Variants in CHD9 observed in about 807,000 individuals in gnomAD.
CHD9 encodes ATP-dependent chromatin remodeler CHD9.
In CHD9, 77 loss-of-function variants were observed where a neutral mutation model predicts 316.1. The observed-to-expected ratio is 0.24, with a 90% CI of 0.20 to 0.29. The LOEUF (loss-of-function observed/expected upper bound fraction) is 0.29, where lower values mean the gene tolerates loss of function less well. CHD9 is among the 10% of genes least tolerant of loss of function. The pLI is 1.00. For missense variants in CHD9, 2,763 were observed against 3,438.1 expected (o/e 0.80, Z 4.91); for synonymous variants, 1,129 against 1,158.3 (o/e 0.97, Z 0.51).
At chr16:53,314,304 T>C in intron 34 of CHD9, 73 bp from the exon 35 acceptor site, 1 of 1,089,604 alleles carries the variant, frequency 9.2e-7, no homozygotes, top group Non-Finnish European at 1.3e-6. Flanking sequence ...TTCATATATT[T>C]AGGAAAGGGA....
chr16:53,277,744 C>T (rs926252197), intron 24 of CHD9, among the ~76,000 whole-genome samples: 1 of 152,134 alleles, frequency 6.6e-6, no homozygotes, highest in East Asian at 1.9e-4. Context: ...CAACATAGTA[C>T]TGGAAGTCCT....
At position 53,233,211 on chromosome 16, in the gene CHD9, G is replaced by A. The variant is rs1480969961; in HGVS notation, c.2511+1427G>A. ...AGAACTTCTGACTGACTGGCTTCAAGTTAGGGTTCCCATTACCCACCACTT... is the reference window on the plus strand; with the variant it reads ...AGAACTTCTGACTGACTGGCTTCAAATTAGGGTTCCCATTACCCACCACTT... On this transcript the variant is annotated intron_variant, in intron 10 of 38. Transcript: ENST00000447540. Among the ~76,000 whole-genome samples, 6 of 152,292 alleles carry A rather than the reference G, an allele frequency of 3.9e-5. No homozygotes were observed. The East Asian group carries it at 9.7e-4, about 25-fold the overall frequency.
chr16:53,124,725 C>T (rs911859322), intron 1 of CHD9, among the ~76,000 whole-genome samples: 3 of 151,826 alleles, frequency 2.0e-5, no homozygotes, highest in Admixed American at 6.6e-5. Flanking sequence ...GGTGATCTGC[C>T]CTCTTCGGCC....
chr16:53,213,849 A>G (rs1411442305), intron 3 of CHD9, among the ~76,000 whole-genome samples: 4 of 152,194 alleles, frequency 2.6e-5, no homozygotes, highest in Non-Finnish European at 5.9e-5. Flanking sequence ...AAATGTTTTC[A>G]TAGCCCTGTA....
At chr16:53,323,890 ATTAT>A (rs2057424250) in intron 38 of CHD9, 126 bp from the exon 39 acceptor site, 3 of 740,318 alleles carry the variant, frequency 4.1e-6, no homozygotes, top group African/African-American at 1.8e-5. Flanking sequence ...ATTATAATTG[ATTAT>A]TTAATATCAG....
intron 1 of CHD9, among the ~76,000 whole-genome samples, chr16:53,072,990 C>T (rs750560350): frequency 2.0e-5 from 3 of 152,176 alleles, no homozygotes; most frequent in African/African-American, 4.8e-5. Context: ...CCACCACGCC[C>T]GGCCATCCCT....
chr16:53,134,730 A>G (rs143325274), intron 1 of CHD9, among the ~76,000 whole-genome samples: 3 of 152,332 alleles, frequency 2.0e-5, no homozygotes, highest in Non-Finnish European at 4.4e-5. Context: ...TCAAGTGACA[A>G]TGGGAGACCC....
chr16:53,251,728 A>C (rs574145668), intron 17 of CHD9, among the ~76,000 whole-genome samples: 3 of 152,334 alleles, frequency 2.0e-5, no homozygotes, highest in Non-Finnish European at 4.4e-5. Flanking sequence ...GGTTAGTCAG[A>C]ACTCAAGATA....
chr16:53,078,095 A>AT (rs2034705091), intron 1 of CHD9, among the ~76,000 whole-genome samples: 1 of 152,120 alleles, frequency 6.6e-6, no homozygotes, highest in African/African-American at 2.4e-5. Flanking sequence ...AAGAGAAAAA[A>AT]ATATATATAT....
At chr16:53,313,498 T>C (rs575532776) in intron 34 of CHD9, among the ~76,000 whole-genome samples, 4 of 152,010 alleles carry the variant, frequency 2.6e-5, no homozygotes, top group African/African-American at 9.6e-5. Flanking sequence ...TAGAGACGTG[T>C]TTTTGCCATG....
At chr16:53,322,009 T>C (rs929664140) in intron 38 of CHD9, among the ~76,000 whole-genome samples, 11 of 150,534 alleles carry the variant, frequency 7.3e-5, no homozygotes, top group African/African-American at 2.7e-4. Context: ...TCTTTTTTTT[T>C]TTTTTTTAGA....
At position 53,276,294 on chromosome 16, in the gene CHD9, G is replaced by A. The variant is rs374844346; in HGVS notation, c.4967+1992G>A. Among the ~76,000 whole-genome samples, 28 of 152,298 alleles carry A rather than the reference G, an allele frequency of 1.8e-4. No homozygotes were observed. In the South Asian group the frequency reaches 5.6e-3, roughly 30 times the overall value. The stretch of plus-strand genomic sequence containing the variant: ...ACCTAAGTAGCTGAACATTTGTGGA[G>A]AAAATCAAGCAAGCCATGCTGAATG... On this transcript the variant is annotated intron_variant, in intron 24 of 38. Transcript: ENST00000447540.
intron 1 of CHD9, among the ~76,000 whole-genome samples, chr16:53,085,993 G>A (rs1477248897): frequency 6.6e-6 from 1 of 152,184 alleles, no homozygotes; most frequent in Non-Finnish European, 1.5e-5. Context: ...GAAAGAATGA[G>A]CAATGGAAAA....
chr16:53,083,847 C>G (rs1424706588), intron 1 of CHD9, among the ~76,000 whole-genome samples: 1 of 151,996 alleles, frequency 6.6e-6, no homozygotes, highest in Non-Finnish European at 1.5e-5. Flanking sequence ...AACTCATGGC[C>G]TCAAGCGATC....
At position 53,321,507 on chromosome 16, in the gene CHD9, A is replaced by G; in HGVS notation, c.7714-19A>G. On this transcript the variant is annotated intron_variant, in intron 37 of 38. Transcript: ENST00000447540. ...CTATGTAACAGTGTTGTAGTATTTA[A>G]TCTGTTTCTAATTTACAGGTTGGAG... 6.6e-7 allele frequency: 1 copy of G among 1,524,168 alleles called. No individual in the cohort carries two copies. Among genetic ancestry groups the G allele is most frequent in the South Asian group, 1.3e-5 (1 of 78,868 alleles). The allele number at this position is 1,524,168 out of a possible 1,614,324, so 94.4% of individuals were successfully genotyped here.
At chr16:53,264,610 A>T (rs1367404187) in intron 20 of CHD9, among the ~76,000 whole-genome samples, 1 of 152,164 alleles carries the variant, frequency 6.6e-6, no homozygotes, top group Admixed American at 6.6e-5. Context: ...GTAAACAAAT[A>T]TATAAGATAA....
intron 36 of CHD9, among the ~76,000 whole-genome samples, chr16:53,315,596 A>G (rs2056820430): frequency 6.6e-6 from 1 of 151,848 alleles, no homozygotes; most frequent in South Asian, 2.1e-4. Flanking sequence ...CTCCCACCTC[A>G]GTCTCCTGAG....
At chr16:53,295,454 A>T (rs972248447) in intron 29 of CHD9, among the ~76,000 whole-genome samples, 2 of 152,102 alleles carry the variant, frequency 1.3e-5, no homozygotes, top group African/African-American at 4.8e-5. Flanking sequence ...TAACCAGTCT[A>T]GCTCACAGTA....
At chr16:53,259,613 A>G (rs1310027397) in intron 19 of CHD9, among the ~76,000 whole-genome samples, 3 of 152,174 alleles carry the variant, frequency 2.0e-5, no homozygotes, top group Non-Finnish European at 4.4e-5. Flanking sequence ...CCTGGGCTCA[A>G]GTGATCCTCC....
Sources: gnomAD v4.1 joint callset for allele counts (sites outside exome capture counted in the v4.1 genomes callset) on GRCh38, gnomAD v4.1.1 for gene constraint, MANE v1.5 for transcripts, NCBI Gene and HGNC (gene_info 2026-07-23, HGNC 2026-07-21) for gene names.